Variants in GALNT13 observed in about 807,000 individuals in gnomAD.
GALNT13 encodes the protein polypeptide N-acetylgalactosaminyltransferase 13, also known as UDP-GalNAc:polypeptide N-acetylgalactosaminyltransferase 13.
GALNT13 carries 28 observed loss-of-function variants against 64.2 expected under a neutral mutation model. The observed-to-expected ratio is 0.44, with a 90% confidence interval of 0.32 to 0.60. GALNT13 has a LOEUF of 0.60. Ranked by LOEUF, GALNT13 falls within the 20% of genes least tolerant of loss-of-function variation. The pLI is 0.05. For synonymous variants in GALNT13, 214 were observed against 224.6 expected, an observed-to-expected ratio of 0.95 and a Z score of 0.42; for missense variants, 577 against 669.8, an observed-to-expected ratio of 0.86 and a Z score of 1.53.
chr2:153,068,919 G>A, the GALNT13 span, among the ~76,000 whole-genome samples: 3 of 152,182 alleles, frequency 2.0e-5, no homozygotes, highest in African/African-American at 7.2e-5. Flanking sequence ...TTTAGTTAGT[G>A]TGGCTAGCTT....
intron 3 of GALNT13, among the ~76,000 whole-genome samples, chr2:154,021,619 T>C (rs1697503403): frequency 1.3e-5 from 2 of 151,744 alleles, no homozygotes. Context: ...ATTGGGGTTT[T>C]CTAGATATAC....
At chr2:153,095,914 A>G in the GALNT13 span, among the ~76,000 whole-genome samples, 1 of 152,184 alleles carries the variant, frequency 6.6e-6, no homozygotes, top group Non-Finnish European at 1.5e-5. Flanking sequence ...GAGGGATAGC[A>G]TTAGGAGATA....
chr2:153,793,231 C>G, the GALNT13 span, among the ~76,000 whole-genome samples: 81 of 152,096 alleles, frequency 5.3e-4, no homozygotes, highest in Admixed American at 6.5e-5. Flanking sequence ...CTCGGGCTCC[C>G]AAAGCGCTGG....
the GALNT13 span, among the ~76,000 whole-genome samples, chr2:153,477,062 C>T: frequency 1.3e-5 from 2 of 152,154 alleles, no homozygotes; most frequent in Non-Finnish European, 2.9e-5. Context: ...GTCGTCTCGC[C>T]TACCTGAGAG....
At chr2:154,058,833 G>A (rs1420475014) in intron 3 of GALNT13, among the ~76,000 whole-genome samples, 1 of 152,162 alleles carries the variant, frequency 6.6e-6, no homozygotes, top group Non-Finnish European at 1.5e-5. Context: ...TGAGTGAAGA[G>A]AGGAACCATT....
At chr2:153,862,087 G>C in the GALNT13 span, among the ~76,000 whole-genome samples, 1 of 152,100 alleles carries the variant, frequency 6.6e-6, no homozygotes, top group African/African-American at 2.4e-5. Context: ...TTTTATGAGA[G>C]GTGGCTATAA....
intron 2 of GALNT13, among the ~76,000 whole-genome samples, chr2:153,937,163 T>C (rs1219848036): frequency 1.3e-5 from 2 of 152,194 alleles, no homozygotes; most frequent in Admixed American, 6.5e-5. Context: ...AACATATGTC[T>C]ACAGAAAATT....
intron 9 of GALNT13, among the ~76,000 whole-genome samples, chr2:154,313,753 C>T (rs1270777794): frequency 1.3e-5 from 2 of 151,932 alleles, no homozygotes; most frequent in Non-Finnish European, 2.9e-5. Context: ...ATGCCTGGAC[C>T]TAGTATATGT....
the GALNT13 span, among the ~76,000 whole-genome samples, chr2:153,305,304 A>C: frequency 2.1e-3 from 313 of 152,178 alleles, no homozygotes; most frequent in African/African-American, 6.9e-3. Context: ...CGTCAATCTC[A>C]TTGTTCTACA....
chr2:154,142,306 T>A (rs1272974017), intron 4 of GALNT13, among the ~76,000 whole-genome samples: 1 of 151,982 alleles, frequency 6.6e-6, no homozygotes, highest in African/African-American at 2.4e-5. Flanking sequence ...TCCTAGCACT[T>A]TAGGAGGCCA....
At chr2:153,582,284 T>C in the GALNT13 span, among the ~76,000 whole-genome samples, 1 of 152,208 alleles carries the variant, frequency 6.6e-6, no homozygotes, top group Non-Finnish European at 1.5e-5. Context: ...TCCGTATTGA[T>C]GACAATCTCA....
chr2:153,932,167 T>C (rs927517972), intron 2 of GALNT13, among the ~76,000 whole-genome samples: 1 of 152,298 alleles, frequency 6.6e-6, no homozygotes, highest in South Asian at 2.1e-4. Flanking sequence ...TGATTGTGTT[T>C]AATTTTCTCC....
chr2:153,854,310 T>C, the GALNT13 span, among the ~76,000 whole-genome samples: 1 of 152,016 alleles, frequency 6.6e-6, no homozygotes, highest in Non-Finnish European at 1.5e-5. Flanking sequence ...CCGGGTGCAG[T>C]GGCTCATGCC....
chr2:153,767,100 A>G, the GALNT13 span, among the ~76,000 whole-genome samples: 2 of 152,076 alleles, frequency 1.3e-5, no homozygotes, highest in African/African-American at 2.4e-5. Context: ...CTCACCCCAT[A>G]TCTATTACTT....
At chr2:153,469,440 G>C in the GALNT13 span, among the ~76,000 whole-genome samples, 1 of 152,074 alleles carries the variant, frequency 6.6e-6, no homozygotes. Flanking sequence ...TCTCAGAGCG[G>C]GAGATGATAC....
At chr2:154,443,028 A>G (rs1190079809) in intron 12 of GALNT13, among the ~76,000 whole-genome samples, 2 of 151,986 alleles carry the variant, frequency 1.3e-5, no homozygotes, top group Admixed American at 6.6e-5. Flanking sequence ...ACCATCTTTT[A>G]TTTACCTTTA....
the GALNT13 span, among the ~76,000 whole-genome samples, chr2:153,447,235 A>T: frequency 6.6e-6 from 1 of 152,200 alleles, no homozygotes; most frequent in Non-Finnish European, 1.5e-5. Context: ...ATATTGTAAT[A>T]ATTGTAAATG....
the GALNT13 span, among the ~76,000 whole-genome samples, chr2:153,810,787 A>G: frequency 2.0e-5 from 3 of 152,140 alleles, no homozygotes; most frequent in Non-Finnish European, 2.9e-5. Context: ...GTGGATCCTC[A>G]TTTATCTATT....
At chr2:154,330,057 A>G (rs1186551877) in intron 9 of GALNT13, among the ~76,000 whole-genome samples, 2 of 152,178 alleles carry the variant, frequency 1.3e-5, no homozygotes, top group African/African-American at 4.8e-5. Flanking sequence ...TCCCAGTAGA[A>G]GTACTATACA....
Sources: allele counts gnomAD v4.1 joint callset (sites outside exome capture counted in the v4.1 genomes callset), GRCh38; gene constraint gnomAD v4.1.1; transcripts MANE v1.5; gene names NCBI Gene and HGNC (gene_info 2026-07-23, HGNC 2026-07-21).